Variants in MBNL2 observed in about 807,000 individuals in gnomAD.
The protein encoded by MBNL2 is muscleblind-like protein 2.
A neutral mutation model predicts 41.9 loss-of-function variants in MBNL2; 17 were observed. The observed-to-expected ratio is 0.41, with a 90% CI of 0.28 to 0.61. The LOEUF (loss-of-function observed/expected upper bound fraction) is 0.61, where lower values mean the gene tolerates loss of function less well. MBNL2 is among the 20% of genes least tolerant of loss of function. The probability of loss-of-function intolerance (pLI) is 0.35; values close to 1 mark genes in which losing one functional copy is unlikely to be tolerated. For synonymous variants in MBNL2, 195 were observed against 182.9 expected, an observed-to-expected ratio of 1.07 and a Z score of -0.53; for missense variants, 336 against 505.6, an observed-to-expected ratio of 0.66 and a Z score of 3.22.
the MBNL2 span, among the ~76,000 whole-genome samples, chr13:97,209,502 T>C: frequency 6.6e-6 from 1 of 152,240 alleles, no homozygotes; most frequent in African/African-American, 2.4e-5. Flanking sequence ...TGCAAAGTAG[T>C]GTTCAAAGGA....
intron 2 of MBNL2, among the ~76,000 whole-genome samples, chr13:97,319,217 C>T (rs533090201): frequency 4.7e-5 from 7 of 149,554 alleles, no homozygotes; most frequent in African/African-American, 7.3e-5. Context: ...AGACGTGGGA[C>T]ACCCGGCGGG....
At position 97,392,811 on chromosome 13, in the gene MBNL2, C is replaced by T. The variant is rs2066414138; in HGVS notation, c.*1362C>T. 1 of 152,310 alleles carries T rather than the reference C, an allele frequency of 6.6e-6. No homozygotes were observed. Among genetic ancestry groups the T allele is most frequent in the African/African-American group, 2.4e-5 (1 of 41,380 alleles). 9.4% of individuals were successfully genotyped at this position (152,310 alleles called of 1,614,324 possible). A position where few individuals can be genotyped will look rare whatever the true frequency, so the allele number is the denominator to read the frequency against. ...AATTATTGTTTAAAAAACAAAACAG[C>T]TGTTATAAATGAATATTATGTGTAA... On this transcript the variant is annotated 3_prime_UTR_variant, in exon 9 of 9. Transcript: ENST00000679496.
chr13:97,145,122 AT>A, the MBNL2 span, among the ~76,000 whole-genome samples: 9 of 152,214 alleles, frequency 5.9e-5, no homozygotes, highest in South Asian at 2.1e-4. Context: ...TCTCTCCAAC[AT>A]TTGAGAAAAT....
chr13:97,307,967 G>T (rs979764394), intron 2 of MBNL2, among the ~76,000 whole-genome samples: 3 of 152,146 alleles, frequency 2.0e-5, no homozygotes, highest in African/African-American at 7.2e-5. Context: ...AGATACAGGG[G>T]ATAAAAACAA....
At chr13:97,267,864 C>G (rs2050125152) in intron 1 of MBNL2, among the ~76,000 whole-genome samples, 1 of 152,162 alleles carries the variant, frequency 6.6e-6, no homozygotes, top group Non-Finnish European at 1.5e-5. Context: ...GCAGGTAACT[C>G]CAGGTGGACA....
At chr13:97,232,849 C>CTGTGTGTG (rs1424948508) in intron 1 of MBNL2, among the ~76,000 whole-genome samples, 3 of 97,752 alleles carry the variant, frequency 3.1e-5, no homozygotes, top group African/African-American at 1.7e-4. Context: ...ACTCTTGACG[C>CTGTGTGTG]TATGTGTGTG....
intron 2 of MBNL2, among the ~76,000 whole-genome samples, chr13:97,278,037 C>T (rs961262056): frequency 1.3e-5 from 2 of 151,874 alleles, no homozygotes; most frequent in African/African-American, 4.8e-5. Flanking sequence ...GGGCGGATCA[C>T]GAGATCAGGG....
At chr13:97,153,563 A>G in the MBNL2 span, among the ~76,000 whole-genome samples, 116,577 of 152,092 alleles carry the variant, frequency 0.77, 44,882 homozygotes, top group African/African-American at 0.84. Flanking sequence ...ATGAACGCAT[A>G]TAATTTTGAT....
chr13:97,315,670 C>T (rs12016692), intron 2 of MBNL2, among the ~76,000 whole-genome samples: 7,271 of 152,148 alleles, frequency 0.048, 542 homozygotes, highest in African/African-American at 0.16. Context: ...AACTCATAGA[C>T]GAGGAAGGAA....
chr13:97,315,384 C>A (rs72637460), intron 2 of MBNL2, among the ~76,000 whole-genome samples: 4 of 152,006 alleles, frequency 2.6e-5, no homozygotes, highest in Non-Finnish European at 4.4e-5. Context: ...AGGCACCGGG[C>A]TCTACATTAC....
In MBNL2 at chr13:97,275,949, T is replaced by A; in HGVS notation, c.-287T>A. 1 of 289,614 alleles carries A rather than the reference T, an allele frequency of 3.5e-6. No homozygotes were observed. The highest frequency in any genetic ancestry group is 6.4e-6 in the Non-Finnish European group (1 of 155,704). 17.9% of individuals were successfully genotyped at this position (289,614 alleles called of 1,614,324 possible). A position where few individuals can be genotyped will look rare whatever the true frequency, so the allele number is the denominator to read the frequency against. On this transcript the variant is annotated 5_prime_UTR_variant, in exon 2 of 9. Coordinates refer to ENST00000679496, the MANE Select transcript of MBNL2 (RefSeq NM_001382683.1). ...GAAGTCACTTTATTAATAACAGCTG[T>A]ATCTGCAAAACAGTCAAGAGACTCG...
chr13:97,229,990 AGT>A (rs2042164126), intron 1 of MBNL2, among the ~76,000 whole-genome samples: 1 of 152,200 alleles, frequency 6.6e-6, no homozygotes, highest in Admixed American at 6.5e-5. Flanking sequence ...AATAGAACGC[AGT>A]GAGAGCTTAG....
chr13:97,211,508 T>A, the MBNL2 span, among the ~76,000 whole-genome samples: 1 of 152,236 alleles, frequency 6.6e-6, no homozygotes, highest in East Asian at 1.9e-4. Flanking sequence ...TTAAGTATGG[T>A]TATTTCTTCC....
At chr13:97,143,187 G>A in the MBNL2 span, among the ~76,000 whole-genome samples, 1 of 152,190 alleles carries the variant, frequency 6.6e-6, no homozygotes, top group African/African-American at 2.4e-5. Context: ...TAGTTGTAAA[G>A]TTTTGTCAAC....
At chr13:97,264,544 T>A (rs2049341467) in intron 1 of MBNL2, among the ~76,000 whole-genome samples, 1 of 152,252 alleles carries the variant, frequency 6.6e-6, no homozygotes, top group Non-Finnish European at 1.5e-5. Context: ...TTATTTATTG[T>A]ATAAAGTAGC....
At position 97,274,818 on chromosome 13, in the gene MBNL2, A is replaced by T. The variant is rs1046692778; in HGVS notation, c.-604-814A>T. On this transcript the variant is annotated intron_variant, in intron 1 of 8. Coordinates refer to ENST00000679496, the MANE Select transcript of MBNL2 (RefSeq NM_001382683.1). ...TTAGACATCTGAACTTACTGACTAT[A>T]TTTTTGTTGTAGCCATGTGTTTTAA... 5.3e-5 allele frequency among the ~76,000 whole-genome samples: 8 copies of T among 152,308 alleles called. 1 individual carries two copies. The highest frequency in any genetic ancestry group is 7.2e-5 in the African/African-American group (3 of 41,564).
At chr13:97,211,774 CA>C in the MBNL2 span, among the ~76,000 whole-genome samples, 1 of 152,170 alleles carries the variant, frequency 6.6e-6, no homozygotes, top group African/African-American at 2.4e-5. Context: ...CTTCTCTTTG[CA>C]CAAATTATTT....
At chr13:97,369,076 AG>A (rs2064127865) in intron 8 of MBNL2, among the ~76,000 whole-genome samples, 1 of 152,184 alleles carries the variant, frequency 6.6e-6, no homozygotes, top group Admixed American at 6.5e-5. Flanking sequence ...AATAAATAAT[AG>A]TGAACACAAA....
intron 2 of MBNL2, among the ~76,000 whole-genome samples, chr13:97,319,455 A>G (rs1202916548): frequency 6.6e-6 from 1 of 152,200 alleles, no homozygotes; most frequent in Non-Finnish European, 1.5e-5. Context: ...AGAAGACTCC[A>G]GCTGAATAGA....
Sources: gnomAD v4.1 joint callset for allele counts (sites outside exome capture counted in the v4.1 genomes callset) on GRCh38, gnomAD v4.1.1 for gene constraint, MANE v1.5 for transcripts, NCBI Gene and HGNC (gene_info 2026-07-23, HGNC 2026-07-21) for gene names.